DNAJC1: variants seen among roughly 807,000 people sequenced by gnomAD.
DNAJC1 encodes the protein dnaJ homolog subfamily C member 1.
A neutral mutation model predicts 76.6 loss-of-function variants in DNAJC1; 58 were observed. The observed-to-expected ratio is 0.76, with a 90% CI of 0.61 to 0.94. The LOEUF is 0.94. Among genes scored for constraint, DNAJC1 ranks in the 40% least tolerant of loss-of-function variants. DNAJC1 has a pLI of 0.00. For missense variants in DNAJC1, 689 were observed against 677.3 expected, an observed-to-expected ratio of 1.02 and a Z score of -0.19; for synonymous variants, 258 against 267.9, an observed-to-expected ratio of 0.96 and a Z score of 0.36.
At chr10:21,968,819 T>C (rs1340355072) in intron 1 of DNAJC1, among the ~76,000 whole-genome samples, 1 of 152,144 alleles carries the variant, frequency 6.6e-6, no homozygotes, top group Admixed American at 6.5e-5. Context: ...CAACATATCT[T>C]GAAATTGATG....
At chr10:21,955,016 T>A (rs188936942) in intron 1 of DNAJC1, among the ~76,000 whole-genome samples, 4 of 152,178 alleles carry the variant, frequency 2.6e-5, no homozygotes, top group Non-Finnish European at 2.9e-5. Flanking sequence ...AGGAGGCTGT[T>A]CTGTGCATTA....
At chr10:21,832,473 C>T (rs896536740) in intron 8 of DNAJC1, among the ~76,000 whole-genome samples, 2 of 152,164 alleles carry the variant, frequency 1.3e-5, no homozygotes, top group African/African-American at 4.8e-5. Context: ...AAACTGATTA[C>T]ATATCATTCT....
chr10:21,919,337 C>T (rs55771201), intron 5 of DNAJC1, among the ~76,000 whole-genome samples: 2 of 152,050 alleles, frequency 1.3e-5, no homozygotes, highest in East Asian at 3.9e-4. Context: ...TGAAGCATTA[C>T]TCACTGATGT....
intron 8 of DNAJC1, among the ~76,000 whole-genome samples, chr10:21,857,314 ACT>A (rs1835850532): frequency 6.6e-6 from 1 of 151,472 alleles, no homozygotes; most frequent in Non-Finnish European, 1.5e-5. Flanking sequence ...GGAACAGAAA[ACT>A]CTTCCAAAAC....
In DNAJC1 at chr10:21,951,310, A is replaced by T. The variant is rs939325272; in HGVS notation, c.223-22169T>A. ...ACTCCAGCCTGGGTGACAGAGCGAG[A>T]TCCATCTCAAAAAAAAAAAAAGTAA... On this transcript the variant is annotated intron_variant, in intron 1 of 11. Transcript: ENST00000376980. Among the ~76,000 whole-genome samples the T allele has an allele frequency of 9.2e-5, 14 of 151,822 alleles. No individual in the cohort carries two copies. The East Asian group carries it at 2.7e-3, about 29-fold the overall frequency.
chr10:21,899,023 C>G (rs997950793), intron 7 of DNAJC1, among the ~76,000 whole-genome samples: 1 of 152,026 alleles, frequency 6.6e-6, no homozygotes, highest in Non-Finnish European at 1.5e-5. Context: ...TGATGGCCCC[C>G]CAGAGAGTGG....
chr10:21,960,711 C>G (rs1263538233), intron 1 of DNAJC1, among the ~76,000 whole-genome samples: 2 of 152,074 alleles, frequency 1.3e-5, no homozygotes, highest in South Asian at 2.1e-4. Context: ...GTGAAAACTA[C>G]AGAAGGAGAA....
chr10:21,759,439 G>A lies in DNAJC1; in HGVS notation c.1327C>T (p.Arg443Trp), dbSNP rs138643683. 5.0e-6 allele frequency: 8 copies of A among 1,613,938 alleles called. No homozygotes were observed. Among genetic ancestry groups the A allele is most frequent in the African/African-American group, 2.7e-5 (2 of 74,926 alleles). The part of the protein sequence containing the change: ...QETGATDARP[R>W]RRKPARLLEA... The stretch of plus-strand genomic sequence containing the variant: ...AGCAGCCTGGCTGGCTTCCGCCTCC[G>A]AGGCCGGGCATCAGTGGCCCCGGTC... Residue 443 changes from arginine (R) to tryptophan (W), a missense_variant, in exon 11 of 12, where the codon CGG becomes TGG. Coordinates refer to ENST00000376980, the MANE Select transcript of DNAJC1 (RefSeq NM_022365.4).
In DNAJC1 at chr10:22,003,686, T is replaced by TAC. The variant is rs572963116; in HGVS notation, c.-254_-253dup. On this transcript the variant is annotated 5_prime_UTR_variant, in exon 1 of 12. Coordinates refer to ENST00000376980, the MANE Select transcript of DNAJC1 (RefSeq NM_022365.4). ...TTCCGAAGACCCTCGCCCCCAGGCCTACACACAGCTGTAGAGGCAGCGCCC... is the reference window on the plus strand; with the variant it reads ...TTCCGAAGACCCTCGCCCCCAGGCCTACACACACAGCTGTAGAGGCAGCGCCC... 577 of 387,558 alleles carry TAC rather than the reference T, an allele frequency of 1.5e-3. 2 individuals are homozygous for TAC. The highest frequency in any genetic ancestry group is 0.011 in the African/African-American group (536 of 47,538). The allele number at this position is 387,558 out of a possible 1,614,324, so 24.0% of individuals were successfully genotyped here.
intron 1 of DNAJC1, among the ~76,000 whole-genome samples, chr10:21,994,791 AAAAC>A (rs1446307681): frequency 2.0e-5 from 3 of 152,008 alleles, no homozygotes; most frequent in African/African-American, 7.2e-5. Flanking sequence ...ACTCTGTCTC[AAAAC>A]AAACAAACAA....
At chr10:21,946,889 A>G (rs1157946183) in intron 1 of DNAJC1, among the ~76,000 whole-genome samples, 2 of 152,104 alleles carry the variant, frequency 1.3e-5, no homozygotes, top group African/African-American at 4.8e-5. Flanking sequence ...GAGGAACCTA[A>G]TGGGAGGTGT....
At chr10:21,792,717 C>T (rs903658138) in intron 9 of DNAJC1, among the ~76,000 whole-genome samples, 11 of 150,532 alleles carry the variant, frequency 7.3e-5, no homozygotes, top group African/African-American at 2.7e-4. Context: ...TGAGATCGTG[C>T]CACTGCTCTC....
At chr10:21,864,446 C>G (rs761800083) in intron 8 of DNAJC1, among the ~76,000 whole-genome samples, 7 of 151,974 alleles carry the variant, frequency 4.6e-5, no homozygotes, top group Non-Finnish European at 7.4e-5. Flanking sequence ...GCAGGGAAAC[C>G]CTGTCTCTAC....
chr10:21,877,180 G>T (rs990917486), intron 8 of DNAJC1, among the ~76,000 whole-genome samples: 2 of 151,980 alleles, frequency 1.3e-5, no homozygotes, highest in Non-Finnish European at 2.9e-5. Context: ...AGGTTGAGGT[G>T]TGAGGATCAC....
intron 1 of DNAJC1, among the ~76,000 whole-genome samples, chr10:21,931,577 G>C (rs1056064889): frequency 6.6e-6 from 1 of 152,186 alleles, no homozygotes; most frequent in Non-Finnish European, 1.5e-5. Flanking sequence ...TTTGGGCTGA[G>C]TAACTTCCCA....
intron 1 of DNAJC1, among the ~76,000 whole-genome samples, chr10:21,953,848 AGAG>A (rs1432890346): frequency 1.3e-5 from 2 of 148,518 alleles, no homozygotes; most frequent in Admixed American, 1.3e-4. Flanking sequence ...AAAAAAAAGA[AGAG>A]GAAAAAAAAA....
Position 21,852,013 on chromosome 10 carries a change from G to T in DNAJC1, c.978+30269C>A, listed in dbSNP as rs186566843. Among the ~76,000 whole-genome samples the T allele has an allele frequency of 3.1e-3, 476 of 151,262 alleles. 4 individuals carry two copies. The highest frequency in any genetic ancestry group is 0.011 in the African/African-American group (438 of 41,158). ...GCTTGCAGTGAGCCGAGATCACGCC[G>T]CTGCACTCCAGCCTGAGCGACAGAG... On this transcript the variant is annotated intron_variant, in intron 8 of 11. Transcript: ENST00000376980.
At chr10:21,903,816 G>T (rs981119057) in intron 7 of DNAJC1, among the ~76,000 whole-genome samples, 1 of 152,098 alleles carries the variant, frequency 6.6e-6, no homozygotes, top group Non-Finnish European at 1.5e-5. Flanking sequence ...ACTGGGGGTG[G>T]GGGGTTGGAA....
At chr10:21,918,662 C>G (rs1836991772) in intron 6 of DNAJC1, 117 bp downstream of exon 6, 4 of 649,158 alleles carry the variant, frequency 6.2e-6, no homozygotes, top group Non-Finnish European at 1.1e-5. Flanking sequence ...CCTACTCAAT[C>G]AACATTATAA....
Sources: gnomAD v4.1 joint callset for allele counts (sites outside exome capture counted in the v4.1 genomes callset) on GRCh38, gnomAD v4.1.1 for gene constraint, MANE v1.5 for transcripts, NCBI Gene and HGNC (gene_info 2026-07-23, HGNC 2026-07-21) for gene names.